The following EXOC4 variants were observed in gnomAD, a reference collection of about 807,000 sequenced individuals.
EXOC4 encodes the protein exocyst complex component 4.
In EXOC4, 71 loss-of-function variants were observed where a neutral mutation model predicts 107.2. The ratio of observed to expected loss-of-function variants is 0.66; its 90% CI spans 0.55 to 0.81. EXOC4 has a LOEUF of 0.81. EXOC4 is among the 30% of genes least tolerant of loss of function. The pLI, the probability that EXOC4 is intolerant of heterozygous loss-of-function variation, is 0.00. For synonymous variants in EXOC4, 456 were observed against 441.2 expected, an observed-to-expected ratio of 1.03 and a Z score of -0.42; for missense variants, 1,108 against 1,189.6, an observed-to-expected ratio of 0.93 and a Z score of 1.01.
chr7:133,622,054 A>C (rs1329986208), intron 9 of EXOC4, among the ~76,000 whole-genome samples: 1 of 152,028 alleles, frequency 6.6e-6, no homozygotes, highest in Admixed American at 6.6e-5. Context: ...GGTTCACTGC[A>C]ACCTTGCACT....
At chr7:133,673,508 T>C (rs1793991531) in intron 10 of EXOC4, among the ~76,000 whole-genome samples, 1 of 152,206 alleles carries the variant, frequency 6.6e-6, no homozygotes, top group Non-Finnish European at 1.5e-5. Flanking sequence ...AGAGTCTTTC[T>C]TGGTCTCACC....
At chr7:133,368,028 A>G (rs1454617411) in intron 6 of EXOC4, among the ~76,000 whole-genome samples, 1 of 152,174 alleles carries the variant, frequency 6.6e-6, no homozygotes, top group African/African-American at 2.4e-5. Context: ...GCCATCCTGC[A>G]TTGCTCATTC....
At chr7:134,024,629 T>C (rs568992139) in intron 17 of EXOC4, among the ~76,000 whole-genome samples, 297 of 152,272 alleles carry the variant, frequency 2.0e-3, no homozygotes, top group African/African-American at 7.0e-3. Context: ...AAAATCTATG[T>C]TTAAGGAATT....
chr7:133,334,337 A>T (rs1795461581), intron 5 of EXOC4, among the ~76,000 whole-genome samples: 1 of 152,200 alleles, frequency 6.6e-6, no homozygotes, highest in Non-Finnish European at 1.5e-5. Flanking sequence ...TGCAAAAGCA[A>T]GGAGTTAAAT....
chr7:133,476,281 TA>T (rs1403228909), intron 8 of EXOC4, among the ~76,000 whole-genome samples: 1 of 152,094 alleles, frequency 6.6e-6, no homozygotes, highest in Non-Finnish European at 1.5e-5. Flanking sequence ...TTTGTACATA[TA>T]AAAAAATAGA....
intron 9 of EXOC4, among the ~76,000 whole-genome samples, chr7:133,617,542 A>G (rs890476167): frequency 6.6e-6 from 1 of 152,218 alleles, no homozygotes; most frequent in Admixed American, 6.5e-5. Context: ...TTTCACCCTA[A>G]GGGTATTTAC....
At chr7:133,499,915 A>G (rs1278082382) in intron 9 of EXOC4, among the ~76,000 whole-genome samples, 1 of 152,148 alleles carries the variant, frequency 6.6e-6, no homozygotes, top group African/African-American at 2.4e-5. Context: ...TTTTCTTTGT[A>G]AATTACCCAG....
At chr7:133,919,721 C>T (rs1400035751) in intron 13 of EXOC4, among the ~76,000 whole-genome samples, 2 of 152,020 alleles carry the variant, frequency 1.3e-5, no homozygotes, top group African/African-American at 4.8e-5. Context: ...GGTATTATTG[C>T]TCATTTCTTT....
At chr7:133,847,685 C>T (rs138425407) in intron 11 of EXOC4, among the ~76,000 whole-genome samples, 2 of 150,350 alleles carry the variant, frequency 1.3e-5, no homozygotes, top group Admixed American at 6.7e-5. Flanking sequence ...GTGCCCGGCC[C>T]GGTTAGGATT....
At chr7:133,569,212 G>C (rs1196205077) in intron 9 of EXOC4, among the ~76,000 whole-genome samples, 1 of 152,066 alleles carries the variant, frequency 6.6e-6, no homozygotes, top group African/African-American at 2.4e-5. Context: ...AACTTGAAAG[G>C]TGAGAGAATA....
chr7:134,069,042 C>A (rs1453933714), downstream of EXOC4, among the ~76,000 whole-genome samples: 2 of 152,058 alleles, frequency 1.3e-5, no homozygotes, highest in Non-Finnish European at 2.9e-5. Flanking sequence ...GTCCATATTT[C>A]CCCTCTCGAT....
chr7:133,903,163 G>C (rs1445797101), intron 12 of EXOC4, among the ~76,000 whole-genome samples: 2 of 152,132 alleles, frequency 1.3e-5, no homozygotes, highest in Admixed American at 1.3e-4. Context: ...GAGGAGGAAG[G>C]GTATTGAAGG....
chr7:133,854,408 G>GCACACACACACACACACACACA (rs56849407), intron 11 of EXOC4, among the ~76,000 whole-genome samples: 1 of 139,470 alleles, frequency 7.2e-6, no homozygotes, highest in Non-Finnish European at 1.5e-5. Flanking sequence ...TGTTGAAAGA[G>GCACACACACACACACACACACA]CACACACACA....
chr7:134,057,724 A>G (rs1795964245), intron 17 of EXOC4, among the ~76,000 whole-genome samples: 1 of 152,164 alleles, frequency 6.6e-6, no homozygotes, highest in Non-Finnish European at 1.5e-5. Flanking sequence ...TGCTTGAAGA[A>G]AAACAACATC....
chr7:133,880,452 T>C (rs1563040979), intron 11 of EXOC4, among the ~76,000 whole-genome samples: 1 of 152,206 alleles, frequency 6.6e-6, no homozygotes, highest in Non-Finnish European at 1.5e-5. Flanking sequence ...ATGCTAATGC[T>C]TTCCTATTCA....
intron 9 of EXOC4, among the ~76,000 whole-genome samples, chr7:133,597,575 A>AC (rs1491436857): frequency 1.5e-4 from 16 of 103,566 alleles, no homozygotes; most frequent in Non-Finnish European, 2.2e-4. Context: ...AAAAAAAAAA[A>AC]CCCAAAAAAA....
At chr7:133,980,036 A>G (rs1793942385) in intron 14 of EXOC4, among the ~76,000 whole-genome samples, 1 of 152,106 alleles carries the variant, frequency 6.6e-6, no homozygotes, top group Non-Finnish European at 1.5e-5. Flanking sequence ...CTTTTTATGT[A>G]TGAAAAGATA....
intron 9 of EXOC4, among the ~76,000 whole-genome samples, chr7:133,543,217 A>C (rs1191629165): frequency 6.6e-6 from 1 of 152,000 alleles, no homozygotes; most frequent in Admixed American, 6.6e-5. Flanking sequence ...GTATAAGTTG[A>C]GTGTCCTGAC....
At chr7:134,014,454 C>T (rs763049791) in intron 17 of EXOC4, among the ~76,000 whole-genome samples, 26 of 152,226 alleles carry the variant, frequency 1.7e-4, no homozygotes, top group Non-Finnish European at 3.4e-4. Context: ...ATGAATAGAA[C>T]GTGGTACATT....
Sources: gnomAD v4.1 joint callset for allele counts (sites outside exome capture counted in the v4.1 genomes callset) on GRCh38, gnomAD v4.1.1 for gene constraint, MANE v1.5 for transcripts, NCBI Gene and HGNC (gene_info 2026-07-23, HGNC 2026-07-21) for gene names.